Variants in GRPEL2 observed in about 807,000 individuals in gnomAD.
GRPEL2 encodes the protein GrpE like 2, mitochondrial.
In GRPEL2, 18 loss-of-function variants were observed where a neutral mutation model predicts 25.9. The ratio of observed to expected loss-of-function variants is 0.70; its 90% confidence interval spans 0.48 to 1.03. GRPEL2 has a LOEUF of 1.03. Among genes scored for constraint, GRPEL2 ranks in the 50% least tolerant of loss-of-function variants. The pLI is 0.00. For missense variants in GRPEL2, 247 were observed against 276.2 expected (o/e 0.89, Z 0.75); for synonymous variants, 106 against 107.9 (o/e 0.98, Z 0.11).
In GRPEL2 at chr5:149,348,432, C is replaced by T; in HGVS notation, c.231+7C>T. On this transcript the variant is annotated splice_region_variant and intron_variant, in intron 2 of 3. Coordinates refer to ENST00000329271, the MANE Select transcript of GRPEL2 (RefSeq NM_152407.4). ...AGAAGTCCAAGATTTAACAGTGAGT[C>T]AATTTTATATTTCTTCTTCATATCC... 4.4e-6 allele frequency: 7 copies of T among 1,584,456 alleles called. No individual in the cohort carries two copies. Among genetic ancestry groups the T allele is most frequent in the Non-Finnish European group, 6.0e-6 (7 of 1,168,458 alleles).
chr5:149,349,928 C>G, intron 3 of GRPEL2, 193 bp downstream of exon 3: 1 of 575,086 alleles, frequency 1.7e-6, no homozygotes, highest in Non-Finnish European at 3.0e-6. Context: ...CCTGTAATCC[C>G]AGCTACTCTG....
chr5:149,345,929 A>T (rs1757682109), intron 1 of GRPEL2: 1 of 384,634 alleles, frequency 2.6e-6, no homozygotes, highest in South Asian at 3.3e-5. Context: ...AGCCTGTGGT[A>T]CCTGTGGGTA....
intron 3 of GRPEL2, among the ~76,000 whole-genome samples, chr5:149,350,355 C>G (rs944552552): frequency 6.6e-6 from 1 of 152,224 alleles, no homozygotes; most frequent in Non-Finnish European, 1.5e-5. Flanking sequence ...CCATCTCTAG[C>G]AACTTCATAG....
chr5:149,348,248 T>C, intron 1 of GRPEL2, 24 bp from the exon 2 acceptor site: 3 of 1,570,334 alleles, frequency 1.9e-6, no homozygotes, highest in Non-Finnish European at 2.6e-6. Flanking sequence ...TTCTTCATTA[T>C]GTGCCACCTC....
intron 3 of GRPEL2, among the ~76,000 whole-genome samples, chr5:149,350,572 GTACA>G (rs1267949783): frequency 1.3e-5 from 2 of 152,176 alleles, no homozygotes; most frequent in African/African-American, 4.8e-5. Context: ...TTTTCAAAAT[GTACA>G]TAATACTACA....
intron 1 of GRPEL2, among the ~76,000 whole-genome samples, chr5:149,346,319 A>C (rs2127609264): frequency 6.6e-6 from 1 of 152,318 alleles, no homozygotes; most frequent in South Asian, 2.1e-4. Context: ...TGTTGCCCCT[A>C]CACTGTTTCT....
chr5:149,345,678 G>A, intron 1 of GRPEL2, 62 bp downstream of exon 1: 1 of 1,385,580 alleles, frequency 7.2e-7, no homozygotes, highest in Non-Finnish European at 1.0e-6. Context: ...GAGCCAGCCG[G>A]GGTGGTTGTG....
chr5:149,348,096 CAAGT>C, intron 1 of GRPEL2, 172 bp from the exon 2 acceptor site: 1 of 537,184 alleles, frequency 1.9e-6, no homozygotes, highest in Non-Finnish European at 3.3e-6. Context: ...AAAGATGACT[CAAGT>C]AAAACAGTGT....
rs1160794341 is a variant in GRPEL2, at chr5:149,352,769, C to G, written c.*1487C>G. 1 of 152,090 alleles carries G rather than the reference C, an allele frequency of 6.6e-6. No individual in the cohort carries two copies. Among genetic ancestry groups the G allele is most frequent in the Middle Eastern group, 3.2e-3 (1 of 316 alleles). The allele number at this position is 152,090 out of a possible 1,614,324, so 9.4% of individuals were successfully genotyped here. ...TGCTTCTGAAGTATGAAAATCTAGTCTTTTTAGGACTGGACACAAGGAAAA... is the reference window on the plus strand; with the variant it reads ...TGCTTCTGAAGTATGAAAATCTAGTGTTTTTAGGACTGGACACAAGGAAAA... On this transcript the variant is annotated 3_prime_UTR_variant, in exon 4 of 4. Coordinates refer to ENST00000329271, the MANE Select transcript of GRPEL2 (RefSeq NM_152407.4).
intron 1 of GRPEL2, 100 bp downstream of exon 1, chr5:149,345,716 T>A: frequency 1.0e-6 from 1 of 1,000,848 alleles, no homozygotes; most frequent in Admixed American, 2.2e-5. Flanking sequence ...TATCTGAGCG[T>A]AGGCCAGGGG....
At chr5:149,348,169 C>T (rs1003375569) in intron 1 of GRPEL2, 103 bp from the exon 2 acceptor site, 2 of 1,046,644 alleles carry the variant, frequency 1.9e-6, no homozygotes, top group Non-Finnish European at 2.8e-6. Flanking sequence ...AAAACACTTT[C>T]TCCAGAGATT....
intron 2 of GRPEL2, 56 bp from the exon 3 acceptor site, chr5:149,349,598 C>T: frequency 1.6e-6 from 2 of 1,253,590 alleles, no homozygotes; most frequent in East Asian, 2.5e-5. Context: ...AAAACATTCT[C>T]TTCCACCAAT....
At position 149,353,874 on chromosome 5, in the gene GRPEL2, C is replaced by T. The variant is rs1451218860; in HGVS notation, c.*2592C>T. The T allele has an allele frequency of 2.0e-5, 3 of 152,176 alleles. No individual in the cohort carries two copies. The highest frequency in any genetic ancestry group is 7.2e-5 in the African/African-American group (3 of 41,442). The allele number at this position is 152,176 out of a possible 1,614,324, so 9.4% of individuals were successfully genotyped here. A position where few individuals can be genotyped will look rare whatever the true frequency, so the allele number is the denominator to read the frequency against. On this transcript the variant is annotated 3_prime_UTR_variant, in exon 4 of 4. Transcript: ENST00000329271. ...ACTTAAATCTCAGCTCAGTCACCTGCAGGACTTTAGGCACCAGTGATTTCA... is the reference window on the plus strand; with the variant it reads ...ACTTAAATCTCAGCTCAGTCACCTGTAGGACTTTAGGCACCAGTGATTTCA...
At chr5:149,346,715 ATTTTTTTTTTTTTTTTTTTTTTTTT>A (rs34300270) in intron 1 of GRPEL2, among the ~76,000 whole-genome samples, 16 of 59,262 alleles carry the variant, frequency 2.7e-4, no homozygotes, top group African/African-American at 1.2e-3. Flanking sequence ...GGCCCTGAGA[ATTTTTTTTTTTTTTTTTTTTTTTTT>A]TTTTTTTTTT....
At chr5:149,346,736 TTTTTTTTTTTTTTTTTTTTG>T in intron 1 of GRPEL2, among the ~76,000 whole-genome samples, 1 of 113,432 alleles carries the variant, frequency 8.8e-6, no homozygotes, top group Non-Finnish European at 1.8e-5. Context: ...TTTTTTTTTT[TTTTTTTTTTTTTTTTTTTTG>T]AGACGGAGTC....
At chr5:149,349,525 T>A in intron 2 of GRPEL2, 129 bp from the exon 3 acceptor site, 1 of 655,490 alleles carries the variant, frequency 1.5e-6, no homozygotes, top group Non-Finnish European at 2.6e-6. Flanking sequence ...GATCTAAGAT[T>A]TCTGTAACTC....
At chr5:149,345,908 C>A (rs1581356433) in intron 1 of GRPEL2, 1 of 439,632 alleles carries the variant, frequency 2.3e-6, no homozygotes. Flanking sequence ...ACTCTCCCGG[C>A]CTCTTCTCCC....
rs1397120139 is a variant in GRPEL2 at position 149,352,509 on chromosome 5, ATTC to A, written c.*1230_*1232del. ...GTTATATTGACAAGCTCTATTTCCT[ATTC>A]TTTGTATCTGTTAAGTCACATCTGT... On this transcript the variant is annotated 3_prime_UTR_variant, in exon 4 of 4. Transcript: ENST00000329271. 6.6e-6 allele frequency: 1 copy of A among 151,458 alleles called. No individual in the cohort carries two copies. Among genetic ancestry groups the A allele is most frequent in the Non-Finnish European group, 1.5e-5 (1 of 67,896 alleles). The allele number at this position is 151,458 out of a possible 1,614,324, so 9.4% of individuals were successfully genotyped here.
At chr5:149,346,151 T>C (rs538022941) in intron 1 of GRPEL2, among the ~76,000 whole-genome samples, 1 of 152,356 alleles carries the variant, frequency 6.6e-6, no homozygotes, top group South Asian at 2.1e-4. Context: ...TTTTTATTAT[T>C]ACCCATTTAG....
Sources: allele counts gnomAD v4.1 joint callset (sites outside exome capture counted in the v4.1 genomes callset), GRCh38; gene constraint gnomAD v4.1.1; transcripts MANE v1.5; gene names NCBI Gene and HGNC (gene_info 2026-07-23, HGNC 2026-07-21).